Variants in LHFPL2 observed in about 807,000 individuals in gnomAD.
LHFPL2 encodes the protein LHFPL tetraspan subfamily member 2, also known as LHFPL tetraspan subfamily member 2 protein.
A neutral mutation model predicts 17.5 loss-of-function variants in LHFPL2; 7 were observed. That is an observed-to-expected ratio of 0.40 (90% CI 0.23 to 0.75). LHFPL2 has a LOEUF of 0.75. Ranked by LOEUF, LHFPL2 falls within the 30% of genes least tolerant of loss-of-function variation. LHFPL2 has a pLI of 0.37. For missense variants in LHFPL2, 241 were observed against 294.8 expected (o/e 0.82, Z 1.34); for synonymous variants, 134 against 116.2 (o/e 1.15, Z -0.99).
In LHFPL2 at chr5:78,509,768, G is replaced by T. The variant is rs913296031; in HGVS notation, c.430+16C>A. On this transcript the variant is annotated intron_variant, in intron 4 of 4. Coordinates refer to ENST00000380345, the MANE Select transcript of LHFPL2 (RefSeq NM_005779.3). ...CATCCCTCCATCCCACCGTGCCCGG[G>T]GTCCTGCCTTCTTACCTGCAATTCC... 2 of 1,601,072 alleles carry T rather than the reference G, an allele frequency of 1.2e-6. No individual in the cohort carries two copies. Among genetic ancestry groups the T allele is most frequent in the Non-Finnish European group, 1.7e-6 (2 of 1,170,316 alleles).
chr5:78,544,364 T>C (rs898631854), intron 3 of LHFPL2, among the ~76,000 whole-genome samples: 5 of 152,180 alleles, frequency 3.3e-5, no homozygotes, highest in African/African-American at 9.7e-5. Flanking sequence ...CTCAGGTCTT[T>C]GGTTTTGCAT....
intron 3 of LHFPL2, among the ~76,000 whole-genome samples, chr5:78,538,896 A>ACCAGAAAG (rs1756025128): frequency 6.6e-6 from 1 of 152,172 alleles, no homozygotes; most frequent in Non-Finnish European, 1.5e-5. Context: ...CCAACCACAC[A>ACCAGAAAG]CCAGAAAGCA....
At chr5:78,589,000 C>T (rs527534890) in intron 2 of LHFPL2, among the ~76,000 whole-genome samples, 2 of 152,252 alleles carry the variant, frequency 1.3e-5, no homozygotes, top group South Asian at 4.1e-4. Flanking sequence ...TCCTGCCAAC[C>T]ATAATGTGTG....
intron 3 of LHFPL2, among the ~76,000 whole-genome samples, chr5:78,531,156 C>T (rs1455290219): frequency 1.3e-5 from 2 of 152,178 alleles, no homozygotes; most frequent in Non-Finnish European, 2.9e-5. Context: ...TGGCTCACGC[C>T]TATAATCCCA....
intron 3 of LHFPL2, among the ~76,000 whole-genome samples, chr5:78,539,813 T>C (rs1008719334): frequency 5.3e-5 from 7 of 133,180 alleles, no homozygotes; most frequent in Admixed American, 7.4e-5. Flanking sequence ...GGCAAGACTT[T>C]TGCTTTTTTT....
intron 2 of LHFPL2, among the ~76,000 whole-genome samples, chr5:78,571,838 G>A (rs950234639): frequency 6.6e-6 from 1 of 152,196 alleles, no homozygotes; most frequent in Non-Finnish European, 1.5e-5. Flanking sequence ...AGCTAGGTAA[G>A]TACAGAAATA....
At position 78,519,826 on chromosome 5, in the gene LHFPL2, C is replaced by T. The variant is rs559451811; in HGVS notation, c.-185-9428G>A. On this transcript the variant is annotated intron_variant, in intron 3 of 4. Coordinates refer to ENST00000380345, the MANE Select transcript of LHFPL2 (RefSeq NM_005779.3). ...TGTGTCTCAGGCACTCCTTTTGCCA[C>T]TTAGATCTTCCGGTTCTGGAGCCCA... is the stretch of plus-strand genomic sequence containing the variant. 3.3e-5 allele frequency among the ~76,000 whole-genome samples: 5 copies of T among 152,342 alleles called. No homozygotes were observed. In the South Asian group the frequency reaches 1.0e-3, roughly 32 times the overall value.
chr5:78,556,650 T>C (rs931606733), intron 3 of LHFPL2, among the ~76,000 whole-genome samples: 2 of 152,270 alleles, frequency 1.3e-5, no homozygotes, highest in East Asian at 1.9e-4. Flanking sequence ...CAGGTTAAAA[T>C]GGTTTAAGAT....
rs572447565 is a variant in LHFPL2 at position 78,585,258 on chromosome 5, C to T, written c.-244-20387G>A. 4.1e-5 allele frequency among the ~76,000 whole-genome samples: 4 copies of T among 97,336 alleles called. 1 individual carries two copies. The highest frequency in any genetic ancestry group is 3.0e-4 in the South Asian group (1 of 3,342). The allele number at this position is 97,336 out of a possible 152,430, so 63.9% of individuals were successfully genotyped here. A position where few individuals can be genotyped will look rare whatever the true frequency, so the allele number is the denominator to read the frequency against. ...TCCTGACCTCGTGATCCGCCCGCCT[C>T]GGCCTCCCAAAGTGCTGGGATTACA... On this transcript the variant is annotated intron_variant, in intron 2 of 4. Transcript: ENST00000380345.
Position 78,510,269 on chromosome 5 carries a change from A to G in LHFPL2, c.-56T>C. The G allele has an allele frequency of 2.7e-6, 4 of 1,488,642 alleles. No homozygotes were observed. The highest frequency in any genetic ancestry group is 3.6e-6 in the Non-Finnish European group (4 of 1,112,478). 92.2% of individuals were successfully genotyped at this position (1,488,642 alleles called of 1,614,324 possible). A position where few individuals can be genotyped will look rare whatever the true frequency, so the allele number is the denominator to read the frequency against. On this transcript the variant is annotated 5_prime_UTR_variant, in exon 4 of 5. Coordinates refer to ENST00000380345, the MANE Select transcript of LHFPL2 (RefSeq NM_005779.3). ...AGTCCACGGAGTTAATCAAAACAAG[A>G]AAGTCGGTGGGGAAGGAGGCTCGGG...
intron 1 of LHFPL2, among the ~76,000 whole-genome samples, chr5:78,636,198 C>G (rs929575879): frequency 7.2e-5 from 11 of 152,222 alleles, no homozygotes; most frequent in African/African-American, 2.7e-4. Context: ...AGAATCCACT[C>G]TTGCATACTC....
At chr5:78,528,747 T>C (rs117375842) in intron 3 of LHFPL2, among the ~76,000 whole-genome samples, 1 of 152,338 alleles carries the variant, frequency 6.6e-6, no homozygotes, top group East Asian at 1.9e-4. Flanking sequence ...AGGTAGGTGC[T>C]ATTATGTTTC....
chr5:78,535,382 C>A (rs1317300560), intron 3 of LHFPL2, among the ~76,000 whole-genome samples: 2 of 152,202 alleles, frequency 1.3e-5, no homozygotes, highest in African/African-American at 4.8e-5. Context: ...CTTCCCATCT[C>A]ACCCCCTGCT....
chr5:78,592,621 T>TACAC (rs3068900), intron 2 of LHFPL2, among the ~76,000 whole-genome samples: 1 of 129,512 alleles, frequency 7.7e-6, no homozygotes, highest in Non-Finnish European at 1.7e-5. Context: ...AAAATTCAGA[T>TACAC]ACACACACAC....
In LHFPL2 at chr5:78,486,400, T is replaced by A. The variant is rs1561298309; in HGVS notation, c.*2497A>T. ...ATAATGGTCCTATTTATTAGAAAAATAAGTGTGAGCCAACAATCTATTTTT... is the reference window on the plus strand; with the variant it reads ...ATAATGGTCCTATTTATTAGAAAAAAAAGTGTGAGCCAACAATCTATTTTT... On this transcript the variant is annotated 3_prime_UTR_variant, in exon 5 of 5. Transcript: ENST00000380345. 1.3e-5 allele frequency: 2 copies of A among 152,110 alleles called. No homozygotes were observed. Among genetic ancestry groups the A allele is most frequent in the African/African-American group, 2.4e-5 (1 of 41,408 alleles). The allele number at this position is 152,110 out of a possible 1,614,324, so 9.4% of individuals were successfully genotyped here.
At chr5:78,620,736 GC>G in intron 2 of LHFPL2, among the ~76,000 whole-genome samples, 1 of 152,306 alleles carries the variant, frequency 6.6e-6, no homozygotes, top group East Asian at 1.9e-4. Flanking sequence ...CATGATCAGC[GC>G]AGAACGCTAT....
intron 2 of LHFPL2, among the ~76,000 whole-genome samples, chr5:78,600,243 C>G (rs1299692461): frequency 6.6e-6 from 1 of 151,378 alleles, no homozygotes; most frequent in Non-Finnish European, 1.5e-5. Flanking sequence ...AAACTAGATA[C>G]CAATTCTAAC....
At chr5:78,541,971 T>C (rs1419272267) in intron 3 of LHFPL2, among the ~76,000 whole-genome samples, 1 of 152,154 alleles carries the variant, frequency 6.6e-6, no homozygotes, top group Admixed American at 6.5e-5. Flanking sequence ...ATGGTGGAAA[T>C]AATGTTAGAA....
rs988217231 is a variant in LHFPL2 at position 78,485,706 on chromosome 5, A to G, written c.*3191T>C. On this transcript the variant is annotated 3_prime_UTR_variant, in exon 5 of 5. Transcript: ENST00000380345. Reference sequence around the variant, plus strand: ...ATGGTCTATAAAAGCATGTTAAGAAATAGCTCCTCAGTGATTATGTACCAG... The same window carrying G: ...ATGGTCTATAAAAGCATGTTAAGAAGTAGCTCCTCAGTGATTATGTACCAG... The G allele has an allele frequency of 6.6e-6, 1 of 152,652 alleles. No homozygotes were observed. Among genetic ancestry groups the G allele is most frequent in the Non-Finnish European group, 1.5e-5 (1 of 68,038 alleles). The allele number at this position is 152,652 out of a possible 1,614,324, so 9.5% of individuals were successfully genotyped here.
Sources: gnomAD v4.1 joint callset for allele counts (sites outside exome capture counted in the v4.1 genomes callset) on GRCh38, gnomAD v4.1.1 for gene constraint, MANE v1.5 for transcripts, NCBI Gene and HGNC (gene_info 2026-07-23, HGNC 2026-07-21) for gene names.